DDX18: variants seen among roughly 807,000 people sequenced by gnomAD.
The protein encoded by DDX18 is DEAD-box helicase 18, also known as ATP-dependent RNA helicase DDX18.
A neutral mutation model predicts 73.5 loss-of-function variants in DDX18; 23 were observed. That is an observed-to-expected ratio of 0.31 (90% CI 0.23 to 0.44). DDX18 has a LOEUF of 0.44. Among genes scored for constraint, DDX18 ranks in the 20% least tolerant of loss-of-function variants. The pLI is 1.00. For synonymous variants in DDX18, 268 were observed against 282.7 expected, an observed-to-expected ratio of 0.95 and a Z score of 0.52; for missense variants, 753 against 792.9, an observed-to-expected ratio of 0.95 and a Z score of 0.60.
intron 11 of DDX18, chr2:117,826,639 G>A: frequency 2.1e-6 from 1 of 470,592 alleles, no homozygotes. Flanking sequence ...GTTCCCTCCA[G>A]CCCTCTTTGA....
rs763934906 is a variant in DDX18 at position 117,822,205 on chromosome 2, G to A, written c.1010G>A (p.Arg337His). ...LQCLVIDEADRILDVGFEEEL... is the reference protein window; with the variant it reads ...LQCLVIDEADHILDVGFEEEL... ...TGTCTGGTTATTGATGAAGCTGATC[G>A]TATCTTGGATGTGGGGTTTGAAGAG... The change falls in exon 7 of 14, where the codon CGT (arginine) becomes CAT (histidine). Residue 337 changes from arginine to histidine, a missense_variant. Around this residue, in one of 3 missense-constraint regions of DDX18, gnomAD observed 402 missense variants for 419.4 expected, o/e 0.96. Transcript: ENST00000263239. 5.0e-6 allele frequency: 8 copies of A among 1,613,854 alleles called. No individual in the cohort carries two copies. The highest frequency in any genetic ancestry group is 1.7e-5 in the Admixed American group (1 of 60,000).
intron 9 of DDX18, 110 bp downstream of exon 9, chr2:117,825,211 A>C: frequency 7.2e-7 from 1 of 1,394,344 alleles, no homozygotes. Context: ...GAGTAGTTTG[A>C]TCACCACTAG....
chr2:117,823,759 C>T (rs559910123), intron 7 of DDX18, among the ~76,000 whole-genome samples: 1 of 152,146 alleles, frequency 6.6e-6, no homozygotes, highest in Non-Finnish European at 1.5e-5. Flanking sequence ...AGTCTTTTAC[C>T]ATTAACTACA....
rs2104628640 is a variant in DDX18, at chr2:117,830,839, A to G, written c.*115A>G. The G allele has an allele frequency of 2.3e-6, 3 of 1,293,702 alleles. No individual in the cohort carries two copies. Among genetic ancestry groups the G allele is most frequent in the Non-Finnish European group, 2.2e-6 (2 of 924,808 alleles). The allele number at this position is 1,293,702 out of a possible 1,614,324, so 80.1% of individuals were successfully genotyped here. A position where few individuals can be genotyped will look rare whatever the true frequency, so the allele number is the denominator to read the frequency against. On this transcript the variant is annotated 3_prime_UTR_variant, in exon 14 of 14. Coordinates refer to ENST00000263239, the MANE Select transcript of DDX18 (RefSeq NM_006773.4). ...TTTGGACTTACCTAACAAGAGTATA[A>G]ATTGACTTGGGTTGCAAGCACTGAG...
chr2:117,819,505 A>G, intron 2 of DDX18, 144 bp from the exon 3 acceptor site: 1 of 825,856 alleles, frequency 1.2e-6, no homozygotes, highest in East Asian at 3.1e-5. Flanking sequence ...TTTTCACCAA[A>G]CAGAATTCTT....
intron 13 of DDX18, among the ~76,000 whole-genome samples, chr2:117,830,347 A>C (rs377346012): frequency 2.6e-5 from 4 of 152,238 alleles, no homozygotes; most frequent in African/African-American, 7.2e-5. Context: ...GAAATAATTA[A>C]TATGACTATT....
At chr2:117,825,241 G>A (rs72834319) in intron 9 of DDX18, 140 bp downstream of exon 9, 2 of 1,265,002 alleles carry the variant, frequency 1.6e-6, no homozygotes, top group East Asian at 2.3e-5. Context: ...CCTGTGTGGG[G>A]GAGCGCTGCT....
At chr2:117,830,006 A>G (rs1413217152) in intron 13 of DDX18, among the ~76,000 whole-genome samples, 1 of 152,242 alleles carries the variant, frequency 6.6e-6, no homozygotes, top group Non-Finnish European at 1.5e-5. Context: ...GTTGTGATTT[A>G]TAATTTGTGC....
In DDX18 at chr2:117,829,309, G is replaced by T; in HGVS notation, c.1713G>T (p.Lys571Asn). 6.3e-7 allele frequency: 1 copy of T among 1,594,994 alleles called. No individual in the cohort carries two copies. The highest frequency in any genetic ancestry group is 8.5e-7 in the Non-Finnish European group (1 of 1,173,892). ...IQSQLEKLIE[K>N]NYFLHKSAQE... is the part of the protein sequence containing the mutation. ...TTCAGCTTGAGAAATTGATTGAAAA[G>T]AATTACTTTCTTCATAAGTCAGCCC... Residue 571 changes from lysine to asparagine, a missense_variant, in exon 13 of 14, where the codon AAG becomes AAT. This residue lies in a region of DDX18 where 402 missense variants were observed against 419.4 expected (regional missense o/e 0.96). Transcript: ENST00000263239.
At position 117,824,649 on chromosome 2, in the gene DDX18, C is replaced by G. The variant is rs1679895598; in HGVS notation, c.1147C>G (p.Pro383Ala). 1 of 1,493,132 alleles carries G rather than the reference C, an allele frequency of 6.7e-7. No homozygotes were observed. Among genetic ancestry groups the G allele is most frequent in the Admixed American group, 2.4e-5 (1 of 41,322 alleles). The allele number at this position is 1,493,132 out of a possible 1,614,324, so 92.5% of individuals were successfully genotyped here. A position where few individuals can be genotyped will look rare whatever the true frequency, so the allele number is the denominator to read the frequency against. The change falls in exon 8 of 14, where the codon CCA becomes GCA. Residue 383 changes from proline (P) to alanine (A), a missense_variant. This residue lies in a region of DDX18 where 402 missense variants were observed against 419.4 expected (regional missense o/e 0.96). Coordinates refer to ENST00000263239, the MANE Select transcript of DDX18 (RefSeq NM_006773.4). ...GGCAAGGATTTCTCTGAAAAAGGAG[C>G]CATTGTATGTTGGCGTTGATGATGA... is the stretch of plus-strand genomic sequence containing the variant. ...DLARISLKKE[P>A]LYVGVDDDKA...
chr2:117,821,851 A>G lies in DDX18; in HGVS notation c.752-11A>G, dbSNP rs1040397413. On this transcript the variant is annotated splice_polypyrimidine_tract_variant and intron_variant, in intron 5 of 13. Transcript: ENST00000263239. ...AGCCACATTTAGACTTCTACCATAT[A>G]TCATTTTTAGGAACAGGAGTCCTTA... 6.2e-6 allele frequency: 10 copies of G among 1,613,816 alleles called. No homozygotes were observed. The highest frequency in any genetic ancestry group is 2.7e-5 in the African/African-American group (2 of 74,902).
intron 3 of DDX18, among the ~76,000 whole-genome samples, chr2:117,820,788 C>T (rs917720793): frequency 2.0e-5 from 3 of 152,062 alleles, no homozygotes; most frequent in Admixed American, 6.6e-5. Flanking sequence ...ATTGACTTCA[C>T]ACTCAGTTTT....
In DDX18 at chr2:117,824,926, T is replaced by G; in HGVS notation, c.1207-14T>G. ...CTTGGTTCATTTGTATCTGTCTGCT[T>G]AAACGCTTTCTAGGGATATGTTGTT... is the stretch of plus-strand genomic sequence containing the variant. On this transcript the variant is annotated splice_polypyrimidine_tract_variant and intron_variant, in intron 8 of 13. Coordinates refer to ENST00000263239, the MANE Select transcript of DDX18 (RefSeq NM_006773.4). 1 of 1,596,172 alleles carries G rather than the reference T, an allele frequency of 6.3e-7. No individual in the cohort carries two copies. The highest frequency in any genetic ancestry group is 1.1e-5 in the South Asian group (1 of 87,682).
intron 1 of DDX18, among the ~76,000 whole-genome samples, chr2:117,815,470 C>T (rs562583933): frequency 1.3e-5 from 2 of 152,238 alleles, no homozygotes; most frequent in South Asian, 2.1e-4. Flanking sequence ...TTTGCAGTCC[C>T]AGTGTCCTGA....
At chr2:117,821,534 C>T (rs2104621995) in intron 4 of DDX18, 116 bp from the exon 5 acceptor site, 1 of 1,221,836 alleles carries the variant, frequency 8.2e-7, no homozygotes, top group Non-Finnish European at 1.2e-6. Flanking sequence ...TGATCAATTT[C>T]AGCACTGTAG....
At chr2:117,823,513 A>T (rs1679879049) in intron 7 of DDX18, among the ~76,000 whole-genome samples, 1 of 152,212 alleles carries the variant, frequency 6.6e-6, no homozygotes, top group African/African-American at 2.4e-5. Context: ...TTGATCTTGT[A>T]TCTAGCAAGA....
rs1680005355 is a variant in DDX18 at position 117,830,582 on chromosome 2, A to G, written c.1871A>G (p.Asn624Ser). The change falls in exon 14 of 14, where the codon AAC becomes AGC. Residue 624 changes from asparagine to serine, a missense_variant and splice_region_variant. Physicochemically the swap from Asn to Ser is conservative, Grantham distance 46. This residue lies in a region of DDX18 where 402 missense variants were observed against 419.4 expected (regional missense o/e 0.96). Coordinates refer to ENST00000263239, the MANE Select transcript of DDX18 (RefSeq NM_006773.4). ...TGATTTCCTTAATGTTTGCCTCCAG[A>G]CGTCAACAGTAATGAAGGCAAGCAG... Reference protein sequence around the residue: ...GFKVPPFVDLNVNSNEGKQKK... With the variant: ...GFKVPPFVDLSVNSNEGKQKK... 1 of 1,612,518 alleles carries G rather than the reference A, an allele frequency of 6.2e-7. No homozygotes were observed. The highest frequency in any genetic ancestry group is 8.5e-7 in the Non-Finnish European group (1 of 1,179,528).
intron 13 of DDX18, among the ~76,000 whole-genome samples, chr2:117,830,338 A>G (rs1347363023): frequency 6.6e-6 from 1 of 152,248 alleles, no homozygotes; most frequent in African/African-American, 2.4e-5. Context: ...CGTGTGGAAG[A>G]AATAATTAAT....
At chr2:117,822,916 C>G (rs928119322) in intron 7 of DDX18, 1 of 152,478 alleles carries the variant, frequency 6.6e-6, no homozygotes, top group Non-Finnish European at 1.5e-5. Flanking sequence ...TGTGAACAGT[C>G]ATCTACAACT....
Sources: gnomAD v4.1 joint callset for allele counts (sites outside exome capture counted in the v4.1 genomes callset) on GRCh38, gnomAD v4.1.1 for gene constraint, gnomAD v4.1.1 regional missense constraint, MANE v1.5 for transcripts, NCBI Gene and HGNC (gene_info 2026-07-23, HGNC 2026-07-21) for gene names.